The following SPECC1 variants were observed in gnomAD, a reference collection of about 807,000 sequenced individuals.
SPECC1 encodes cytospin-B.
A neutral mutation model predicts 104.1 loss-of-function variants in SPECC1; 62 were observed. That is an observed-to-expected ratio of 0.60 (90% confidence interval 0.49 to 0.74). The LOEUF (loss-of-function observed/expected upper bound fraction) is 0.74. SPECC1 is among the 30% of genes least tolerant of loss of function. SPECC1 has a pLI of 0.00. For synonymous variants in SPECC1, 513 were observed against 501.6 expected (o/e 1.02, Z -0.30); for missense variants, 1,306 against 1,310.5 (o/e 1.00, Z 0.05).
chr17:20,317,923 C>A lies in SPECC1; in HGVS notation c.*3858C>A. The stretch of plus-strand genomic sequence containing the variant: ...GGAGGCAGTCCCCAACCCAGCTAGG[C>A]CAAGGGGTAGGGTTTTTAGGTCTGT... On this transcript the variant is annotated 3_prime_UTR_variant, in exon 15 of 15. Transcript: ENST00000395527. 1 of 225,320 alleles carries A rather than the reference C, an allele frequency of 4.4e-6. No individual in the cohort carries two copies. The highest frequency in any genetic ancestry group is 8.8e-6 in the Non-Finnish European group (1 of 113,134). 14.0% of individuals were successfully genotyped at this position (225,320 alleles called of 1,614,324 possible). A position where few individuals can be genotyped will look rare whatever the true frequency, so the allele number is the denominator to read the frequency against.
intron 7 of SPECC1, among the ~76,000 whole-genome samples, chr17:20,235,608 G>T (rs1047587013): frequency 6.6e-6 from 1 of 152,182 alleles, no homozygotes; most frequent in Non-Finnish European, 1.5e-5. Context: ...GGCTTCTCAA[G>T]CAGCATCAGG....
chr17:20,299,092 G>A (rs182372832), intron 13 of SPECC1, among the ~76,000 whole-genome samples: 2 of 151,954 alleles, frequency 1.3e-5, no homozygotes, highest in East Asian at 3.9e-4. Context: ...GCAGGCTGGA[G>A]ACTCAGGGAA....
chr17:20,122,435 A>G (rs1267086732), intron 3 of SPECC1, among the ~76,000 whole-genome samples: 1 of 152,094 alleles, frequency 6.6e-6, no homozygotes, highest in Admixed American at 6.5e-5. Context: ...CTGCGTCTGG[A>G]TATATTCTGA....
At chr17:20,098,773 C>T (rs957888552) in intron 2 of SPECC1, among the ~76,000 whole-genome samples, 6 of 152,240 alleles carry the variant, frequency 3.9e-5, no homozygotes, top group Non-Finnish European at 8.8e-5. Flanking sequence ...TGTTTTCCTT[C>T]TCTGCTCTTG....
At chr17:20,245,905 G>A in intron 7 of SPECC1, 21 bp from the exon 8 acceptor site, 1 of 1,613,236 alleles carries the variant, frequency 6.2e-7, no homozygotes, top group Non-Finnish European at 8.5e-7. Context: ...TTTTCAATCT[G>A]ATTTGCTCTT....
intron 3 of SPECC1, among the ~76,000 whole-genome samples, chr17:20,114,830 A>G (rs2048678740): frequency 6.6e-6 from 1 of 152,226 alleles, no homozygotes; most frequent in Non-Finnish European, 1.5e-5. Flanking sequence ...GACCTTTACA[A>G]GTGAAGGAAA....
intron 1 of SPECC1, among the ~76,000 whole-genome samples, chr17:20,055,746 C>T (rs2045938609): frequency 6.6e-6 from 1 of 152,238 alleles, no homozygotes; most frequent in Non-Finnish European, 1.5e-5. Context: ...CTGATGCTTT[C>T]ATTGGCCATG....
intron 3 of SPECC1, among the ~76,000 whole-genome samples, chr17:20,159,185 T>C (rs1203877500): frequency 6.6e-6 from 1 of 152,118 alleles, no homozygotes; most frequent in Non-Finnish European, 1.5e-5. Context: ...CCTCAAGTGA[T>C]CTGCCTGACT....
At chr17:20,232,712 A>G (rs951274739) in intron 7 of SPECC1, among the ~76,000 whole-genome samples, 4 of 152,152 alleles carry the variant, frequency 2.6e-5, no homozygotes, top group African/African-American at 9.7e-5. Context: ...AGTATTTATT[A>G]ATGCAGGGGA....
At chr17:20,309,996 T>C (rs1161344024) in intron 14 of SPECC1, among the ~76,000 whole-genome samples, 1 of 151,816 alleles carries the variant, frequency 6.6e-6, no homozygotes, top group Non-Finnish European at 1.5e-5. Flanking sequence ...TTTTTGTATT[T>C]TTTTTAGTAG....
chr17:20,083,107 A>G (rs1036684269), intron 1 of SPECC1, among the ~76,000 whole-genome samples: 2 of 152,194 alleles, frequency 1.3e-5, no homozygotes, highest in Non-Finnish European at 2.9e-5. Flanking sequence ...GACACAGGTC[A>G]CCTGGGACAT....
intron 3 of SPECC1, among the ~76,000 whole-genome samples, chr17:20,148,704 T>C (rs1167204397): frequency 6.6e-6 from 1 of 152,004 alleles, no homozygotes; most frequent in Non-Finnish European, 1.5e-5. Flanking sequence ...TTTGTTTATG[T>C]ACAAAAATTT....
chr17:20,247,919 G>C (rs1003058704), intron 9 of SPECC1, among the ~76,000 whole-genome samples: 1 of 152,194 alleles, frequency 6.6e-6, no homozygotes, highest in African/African-American at 2.4e-5. Context: ...AGGCTGCACT[G>C]AGCTTCCAGG....
At position 20,204,319 on chromosome 17, in the gene SPECC1, C is replaced by T. The variant is rs1403465273; in HGVS notation, c.284-14C>T. ...TGCTTTATTTTTTCATTTTTTTCTT[C>T]TTCTGTCTTTAAGGGGCCTTTACAA... On this transcript the variant is annotated splice_polypyrimidine_tract_variant and intron_variant, in intron 3 of 14. Coordinates refer to ENST00000395527, the MANE Select transcript of SPECC1 (RefSeq NM_001243439.2). 18 of 1,579,458 alleles carry T rather than the reference C, an allele frequency of 1.1e-5. No homozygotes were observed. In the Admixed American group the frequency reaches 1.6e-4, roughly 14 times the overall value.
Position 20,205,448 on chromosome 17 carries a change from G to T in SPECC1, c.1399G>T (p.Glu467Ter), listed in dbSNP as rs1181491562. 1 of 1,614,066 alleles carries T rather than the reference G, an allele frequency of 6.2e-7. No homozygotes were observed. Among genetic ancestry groups the T allele is most frequent in the Non-Finnish European group, 8.5e-7 (1 of 1,180,022 alleles). Reference protein sequence around the residue: ...TTQEGKIIELEQKCTGILEQG... With the variant: ...TTQEGKIIEL ...TCAGGAAGGAAAAATTATTGAACTG[G>T]AGCAGAAGTGCACAGGTATTCTTGA... is the stretch of plus-strand genomic sequence containing the variant. The change falls in exon 4 of 15, where the codon GAG becomes TAG. Residue 467 changes from glutamate to a stop codon, truncating the protein, a stop_gained. Coordinates refer to ENST00000395527, the MANE Select transcript of SPECC1 (RefSeq NM_001243439.2). LOFTEE classifies it high-confidence loss of function.
chr17:20,064,421 C>A (rs1402330846), intron 1 of SPECC1, among the ~76,000 whole-genome samples: 1 of 152,184 alleles, frequency 6.6e-6, no homozygotes, highest in Non-Finnish European at 1.5e-5. Flanking sequence ...CTGCTTTTCT[C>A]TTTCTGGCTA....
At chr17:20,062,834 G>A (rs769085444) in intron 1 of SPECC1, among the ~76,000 whole-genome samples, 12 of 152,040 alleles carry the variant, frequency 7.9e-5, no homozygotes, top group Middle Eastern at 3.4e-3. Context: ...GATTACAGGT[G>A]CACGCTACCA....
At chr17:20,100,866 C>T (rs1223668974) in intron 2 of SPECC1, among the ~76,000 whole-genome samples, 1 of 152,158 alleles carries the variant, frequency 6.6e-6, no homozygotes, top group Admixed American at 6.5e-5. Context: ...CTCCCTGTGT[C>T]CATTTGTTCT....
chr17:20,219,272 G>A (rs942662451), intron 4 of SPECC1, among the ~76,000 whole-genome samples: 3 of 152,180 alleles, frequency 2.0e-5, no homozygotes, highest in African/African-American at 7.2e-5. Flanking sequence ...CCCGCCAACA[G>A]TGTACAAGGG....
Sources: allele counts gnomAD v4.1 joint callset (sites outside exome capture counted in the v4.1 genomes callset), GRCh38; gene constraint gnomAD v4.1.1; transcripts MANE v1.5; gene names NCBI Gene and HGNC (gene_info 2026-07-23, HGNC 2026-07-21).